BCLAF3: variants seen among roughly 807,000 people sequenced by gnomAD.
BCLAF3 encodes the protein BCLAF1 and THRAP3 family member 3, also known as transient octamer binding factor 1.
Under a neutral mutation model 51.2 loss-of-function variants are expected in BCLAF3, and 24 were observed. That is an observed-to-expected ratio of 0.47 (90% CI 0.34 to 0.66). The LOEUF (loss-of-function observed/expected upper bound fraction) is 0.66, where lower values mean the gene tolerates loss of function less well. Ranked by LOEUF, BCLAF3 falls within the 30% of genes least tolerant of loss-of-function variation. BCLAF3 has a pLI of 0.01. For synonymous variants in BCLAF3, 152 were observed against 176.6 expected, an observed-to-expected ratio of 0.86 and a Z score of 1.10; for missense variants, 465 against 525.1, an observed-to-expected ratio of 0.89 and a Z score of 1.12.
At chrX:19,972,880 C>T (rs887500393) in intron 1 of BCLAF3, among the ~76,000 whole-genome samples, 1 of 112,260 alleles carries the variant, frequency 8.9e-6, no homozygotes, top group African/African-American at 3.2e-5. Context: ...TCATTCACCT[C>T]TCCATGCACA....
rs1402326267 is a variant in BCLAF3, at chrX:19,912,989, T to C, written c.*4316A>G. 2.7e-5 allele frequency: 3 copies of C among 112,401 alleles called. No homozygotes were observed. Among genetic ancestry groups the C allele is most frequent in the Non-Finnish European group, 5.6e-5 (3 of 53,277 alleles). 9.3% of individuals were successfully genotyped at this position (112,401 alleles called of 1,213,427 possible). On this transcript the variant is annotated 3_prime_UTR_variant, in exon 12 of 12. Coordinates refer to ENST00000379682, the MANE Select transcript of BCLAF3 (RefSeq NM_001367774.2). ...CAACAGTGTTAACAGTGGGTGGGTA[T>C]GTTTCCAGACCTCTCAATTCACTCA...
At chrX:19,951,769 A>C (rs1448431198) in intron 7 of BCLAF3, among the ~76,000 whole-genome samples, 1 of 109,919 alleles carries the variant, frequency 9.1e-6, no homozygotes, top group East Asian at 2.8e-4. Flanking sequence ...CTCCACAAAA[A>C]ATACAAAAAT....
chrX:19,990,455 C>G (rs1246826308), intron 1 of BCLAF3, among the ~76,000 whole-genome samples: 5 of 114,059 alleles, frequency 4.4e-5, no homozygotes, highest in African/African-American at 1.6e-4. Flanking sequence ...CTCACCAGGA[C>G]AAAGCGGGGT....
chrX:19,984,072 C>CAAAAAAAAA (rs1168246147), intron 1 of BCLAF3, among the ~76,000 whole-genome samples: 1 of 15,428 alleles, frequency 6.5e-5, no homozygotes, highest in African/African-American at 2.5e-4. Context: ...GACTCCATCT[C>CAAAAAAAAA]AAAAAAAAAA....
chrX:19,927,316 T>C (rs1413830570), intron 11 of BCLAF3, among the ~76,000 whole-genome samples: 1 of 111,697 alleles, frequency 9.0e-6, no homozygotes, highest in Non-Finnish European at 1.9e-5. Flanking sequence ...GGTACTCAGT[T>C]AAAACTGGGG....
intron 4 of BCLAF3, among the ~76,000 whole-genome samples, chrX:19,960,076 G>A (rs1394235054): frequency 2.7e-5 from 3 of 112,092 alleles, no homozygotes; most frequent in Non-Finnish European, 3.8e-5. Context: ...GATTACAGGC[G>A]TGGGCCACCA....
chrX:19,928,993 T>C (rs1449741757), intron 11 of BCLAF3: 3 of 111,847 alleles, frequency 2.7e-5, no homozygotes, highest in Non-Finnish European at 3.8e-5. Context: ...GTTCAAAAGA[T>C]GTATTATACA....
chrX:19,959,448 G>A (rs1229817026), intron 4 of BCLAF3, among the ~76,000 whole-genome samples: 1 of 111,378 alleles, frequency 9.0e-6, no homozygotes, highest in Non-Finnish European at 1.9e-5. Flanking sequence ...AATTTGAAAT[G>A]AGTGTTTCAG....
chrX:19,923,399 C>A, intron 11 of BCLAF3: 1 of 175,905 alleles, frequency 5.7e-6, no homozygotes, highest in Non-Finnish European at 1.1e-5. Context: ...GCTTTGAGAG[C>A]TAGGGGACCT....
Position 19,953,794 on chromosome X carries a change from C to G in BCLAF3, c.1549G>C (p.Asp517His). The G allele has an allele frequency of 8.3e-7, 1 of 1,199,496 alleles. No individual in the cohort carries two copies. Among genetic ancestry groups the G allele is most frequent in the Non-Finnish European group, 1.1e-6 (1 of 885,688 alleles). The part of the protein sequence containing the change: ...ADVNEIPLNS[D>H]PEIHRRIDMS... ...AATCATTACCTGTGTATTTCTGGAT[C>G]TGAATTCAATGGAATTTCATTTACA... Residue 517 changes from aspartate (D) to histidine (H), a missense_variant, in exon 6 of 12, where the codon GAT becomes CAT. Transcript: ENST00000379682.
intron 2 of BCLAF3, among the ~76,000 whole-genome samples, chrX:19,969,545 TC>T (rs1292669695): frequency 8.9e-6 from 1 of 112,069 alleles, no homozygotes; most frequent in Non-Finnish European, 1.9e-5. Flanking sequence ...ACCCTCTTTT[TC>T]CTCCACAAAA....
rs747229440 is a variant in BCLAF3 at position 19,965,486 on chromosome X, A to C, written c.832T>G (p.Ser278Ala). 10 of 1,210,675 alleles carry C rather than the reference A, an allele frequency of 8.3e-6. No individual in the cohort carries two copies. Among genetic ancestry groups the C allele is most frequent in the Non-Finnish European group, 1.1e-5 (10 of 895,221 alleles). ...GGACGTTTGTGACGATAGTCATAGG[A>C]TACTTTGGTTGCTGAACTGGTCTCT... ...HPETSSATKV[S>A]YDYRHKRPKL... Residue 278 changes from serine (S) to alanine (A), a missense_variant, in exon 4 of 12, where the codon TCC becomes GCC. Coordinates refer to ENST00000379682, the MANE Select transcript of BCLAF3 (RefSeq NM_001367774.2).
intron 2 of BCLAF3, among the ~76,000 whole-genome samples, chrX:19,969,548 T>G (rs1431019276): frequency 8.9e-6 from 1 of 112,057 alleles, no homozygotes; most frequent in African/African-American, 3.2e-5. Context: ...CTCTTTTTCC[T>G]CCACAAAAAC....
chrX:19,938,322 C>G (rs767344854), intron 8 of BCLAF3, among the ~76,000 whole-genome samples: 42 of 111,521 alleles, frequency 3.8e-4, no homozygotes, highest in African/African-American at 1.3e-3. Flanking sequence ...ATCGTGACCC[C>G]CCAAAGCCCT....
Position 19,929,784 on chromosome X carries a change from CCTT to C in BCLAF3, c.2104_2106del (p.Lys702del), listed in dbSNP as rs2070477545. 8.4e-7 allele frequency: 1 copy of C among 1,192,297 alleles called. No homozygotes were observed. The highest frequency in any genetic ancestry group is 1.8e-5 in the African/African-American group (1 of 56,738). The stretch of plus-strand genomic sequence containing the variant: ...TTTTAAATCATTTTAATTCAACTAA[CCTT>C]CTTTTTTCTCATTAATCTTTCTCTG... On this transcript the variant is annotated inframe_deletion and splice_region_variant, in exon 11 of 12. Coordinates refer to ENST00000379682, the MANE Select transcript of BCLAF3 (RefSeq NM_001367774.2).
intron 1 of BCLAF3, among the ~76,000 whole-genome samples, chrX:19,978,736 T>C (rs935206739): frequency 9.2e-6 from 1 of 108,705 alleles, no homozygotes; most frequent in Non-Finnish European, 1.9e-5. Flanking sequence ...ACAGCATCTA[T>C]GCTACAGAGA....
chrX:19,955,555 C>T lies in BCLAF3; in HGVS notation c.1286G>A (p.Ser429Asn), dbSNP rs778393643. ...KTVDTFRVAS[S>N]YSTERQMSHD... Reference sequence around the variant, plus strand: ...TGACATCTGTCTCTCTGTGGAATAGCTAGAAGCAACCCTAGAATAATTTGC... The same window carrying T: ...TGACATCTGTCTCTCTGTGGAATAGTTAGAAGCAACCCTAGAATAATTTGC... The change falls in exon 5 of 12, where the codon AGC (serine) becomes AAC (asparagine). Residue 429 changes from serine (S) to asparagine (N), a missense_variant. By Grantham distance (46) the Ser-to-Asn change is conservative (BLOSUM62 1). Transcript: ENST00000379682. 8.4e-6 allele frequency: 10 copies of T among 1,184,100 alleles called. No individual in the cohort carries two copies. Among genetic ancestry groups the T allele is most frequent in the Non-Finnish European group, 7.9e-6 (7 of 885,037 alleles).
At chrX:19,945,857 G>A (rs1603310813) in intron 8 of BCLAF3, among the ~76,000 whole-genome samples, 1 of 106,305 alleles carries the variant, frequency 9.4e-6, no homozygotes, top group African/African-American at 3.6e-5. Flanking sequence ...GCAATGGTGG[G>A]CGCCCCTCCC....
At chrX:19,972,883 C>T (rs1285760563) in intron 1 of BCLAF3, among the ~76,000 whole-genome samples, 1 of 112,311 alleles carries the variant, frequency 8.9e-6, no homozygotes, top group African/African-American at 3.2e-5. Context: ...TTCACCTCTC[C>T]ATGCACATTT....
Sources: allele counts gnomAD v4.1 joint callset (sites outside exome capture counted in the v4.1 genomes callset), GRCh38; gene constraint gnomAD v4.1.1; transcripts MANE v1.5; gene names NCBI Gene and HGNC (gene_info 2026-07-23, HGNC 2026-07-21).